Variants in GALNS observed in about 807,000 individuals in gnomAD.
The protein encoded by GALNS is galactosamine (N-acetyl)-6-sulfatase.
GALNS carries 65 observed loss-of-function variants against 65.9 expected under a neutral mutation model. The observed-to-expected ratio is 0.99, with a 90% CI of 0.81 to 1.21. The LOEUF (loss-of-function observed/expected upper bound fraction) is 1.21, where lower values mean the gene tolerates loss of function less well. Among genes scored for constraint, GALNS ranks in the 50% most tolerant of loss-of-function variants. The probability of loss-of-function intolerance (pLI) is 0.00; values close to 1 mark genes in which losing one functional copy is unlikely to be tolerated. For missense variants in GALNS, 776 were observed against 700.7 expected, an observed-to-expected ratio of 1.11 and a Z score of -1.21; for synonymous variants, 346 against 288.9, an observed-to-expected ratio of 1.20 and a Z score of -2.00.
chr16:88,827,958 G>A (rs1911104292), intron 9 of GALNS, among the ~76,000 whole-genome samples: 1 of 152,256 alleles, frequency 6.6e-6, no homozygotes, highest in Non-Finnish European at 1.5e-5. Context: ...CCTCGCTAGG[G>A]CAGACGGCGA....
chr16:88,842,752 C>T lies in GALNS; in HGVS notation c.198G>A (p.Gly66=). ...TPNLDRMAAE[G]LLFPNFYSAN... ...CAGAATAGAAGTTTGGGAAAAGCAG[C>T]CCTTCTGCAGCCATCCGGTCCAAAT... Residue 66 remains glycine (G), a synonymous_variant, in exon 2 of 14, where the codon GGG becomes GGA. Coordinates refer to ENST00000268695, the MANE Select transcript of GALNS (RefSeq NM_000512.5). The T allele has an allele frequency of 6.2e-7, 1 of 1,613,000 alleles. No individual in the cohort carries two copies. Among genetic ancestry groups the T allele is most frequent in the Non-Finnish European group, 8.5e-7 (1 of 1,179,760 alleles).
chr16:88,851,009 G>A (rs1439009407), intron 1 of GALNS, among the ~76,000 whole-genome samples: 3 of 152,230 alleles, frequency 2.0e-5, no homozygotes, highest in Non-Finnish European at 4.4e-5. Context: ...CGAGGGCAAC[G>A]TCCCACACGT....
intron 1 of GALNS, chr16:88,856,416 G>T (rs1325882564): frequency 1.4e-6 from 1 of 701,214 alleles, no homozygotes; most frequent in East Asian, 2.7e-5. Flanking sequence ...GGTCAGACGG[G>T]GGAGGCAGGG....
Position 88,831,979 on chromosome 16 carries a change from CCG to C in GALNS, c.1002+17_1002+18del. ...AGGCCTGGACCTGCTGCCCGGCAGA[CCG>C]GTGGACGCTGACTCACCTGGCCTGC... On this transcript the variant is annotated intron_variant, in intron 9 of 13. Coordinates refer to ENST00000268695, the MANE Select transcript of GALNS (RefSeq NM_000512.5). 1 of 1,608,264 alleles carries C rather than the reference CCG, an allele frequency of 6.2e-7. No individual in the cohort carries two copies. The highest frequency in any genetic ancestry group is 8.5e-7 in the Non-Finnish European group (1 of 1,176,106).
chr16:88,837,955 C>T (rs1039098916), intron 4 of GALNS, 190 bp from the exon 5 acceptor site: 2 of 613,186 alleles, frequency 3.3e-6, no homozygotes, highest in East Asian at 2.8e-5. Flanking sequence ...CTGGCACTGC[C>T]CGCCTACCCT....
chr16:88,849,292 C>T (rs78995185), intron 1 of GALNS, among the ~76,000 whole-genome samples: 17,213 of 151,276 alleles, frequency 0.11, 1,103 homozygotes, highest in African/African-American at 0.18. Context: ...TTATTATTAT[C>T]ATTATTTTTT....
intron 1 of GALNS, chr16:88,856,467 T>C (rs1391213594): frequency 2.9e-6 from 2 of 700,092 alleles, no homozygotes; most frequent in Admixed American, 4.0e-5. Context: ...GGGAGGACGC[T>C]GTCCCGGTCA....
Position 88,818,201 on chromosome 16 carries a change from G to C in GALNS, c.1365-77C>G. The stretch of plus-strand genomic sequence containing the variant: ...AGAGGGGCTGGCCTGGACAGGCTGA[G>C]GCTGCAGAGCTCTAACGGGCTGAGA... On this transcript the variant is annotated intron_variant, in intron 12 of 13. Coordinates refer to ENST00000268695, the MANE Select transcript of GALNS (RefSeq NM_000512.5). The C allele has an allele frequency of 1.2e-5, 14 of 1,169,496 alleles. 1 individual carries two copies. In the South Asian group the frequency reaches 1.8e-4, roughly 15 times the overall value. The allele number at this position is 1,169,496 out of a possible 1,614,324, so 72.4% of individuals were successfully genotyped here.
At chr16:88,846,657 C>T (rs1200284709) in intron 1 of GALNS, among the ~76,000 whole-genome samples, 1 of 152,048 alleles carries the variant, frequency 6.6e-6, no homozygotes, top group Non-Finnish European at 1.5e-5. Flanking sequence ...TTACTCCTGC[C>T]TCAGCCTCCC....
chr16:88,835,264 C>T lies in GALNS; in HGVS notation c.847G>A (p.Val283Ile), dbSNP rs772097990. ...QDLHVADNTF[V>I]FFTSDNGAAL... Reference sequence around the variant, plus strand: ...GCGCCGTTGTCCGACGTGAAGAAGACGAAGGTGTTGTCCGCGACGTGCAGG... The same window carrying T: ...GCGCCGTTGTCCGACGTGAAGAAGATGAAGGTGTTGTCCGCGACGTGCAGG... Residue 283 changes from valine to isoleucine, a missense_variant, in exon 8 of 14, where the codon GTC (valine) becomes ATC (isoleucine). Coordinates refer to ENST00000268695, the MANE Select transcript of GALNS (RefSeq NM_000512.5). The T allele has an allele frequency of 1.8e-5, 29 of 1,610,364 alleles. No homozygotes were observed. The highest frequency in any genetic ancestry group is 2.4e-5 in the Non-Finnish European group (28 of 1,178,364).
At position 88,815,817 on chromosome 16, in the gene GALNS, C is replaced by T. The variant is rs1909561768; in HGVS notation, c.1483-1292G>A. On this transcript the variant is annotated intron_variant, in intron 13 of 13. Transcript: ENST00000268695. Reference sequence around the variant, plus strand: ...TGGGTGAGGAAGCTGCTCCCAAACTCCAGGGGCAGCAGAGGCAGCCGCAGG... The same window carrying T: ...TGGGTGAGGAAGCTGCTCCCAAACTTCAGGGGCAGCAGAGGCAGCCGCAGG... 4.1e-6 allele frequency: 4 copies of T among 985,338 alleles called. 1 individual carries two copies. The Admixed American group carries it at 2.5e-4, about 61-fold the overall frequency. The allele number at this position is 985,338 out of a possible 1,614,324, so 61.0% of individuals were successfully genotyped here. A position where few individuals can be genotyped will look rare whatever the true frequency, so the allele number is the denominator to read the frequency against.
At chr16:88,849,296 A>T (rs1315148396) in intron 1 of GALNS, among the ~76,000 whole-genome samples, 2 of 150,746 alleles carry the variant, frequency 1.3e-5, no homozygotes, top group African/African-American at 4.9e-5. Flanking sequence ...TATTATCATT[A>T]TTTTTTGAGA....
chr16:88,829,888 C>T (rs1241124784), intron 9 of GALNS, among the ~76,000 whole-genome samples: 1 of 152,170 alleles, frequency 6.6e-6, no homozygotes, highest in Non-Finnish European at 1.5e-5. Context: ...AACAGGGAGG[C>T]CAGCCTGGGT....
intron 1 of GALNS, chr16:88,844,583 G>GT (rs1967147897): frequency 6.6e-6 from 1 of 152,270 alleles, no homozygotes; most frequent in Non-Finnish European, 1.5e-5. Context: ...CACCAGTGAA[G>GT]TGACTGTGCC....
rs1421226950 is a variant in GALNS, at chr16:88,836,093, C to T, written c.633+108G>A. On this transcript the variant is annotated intron_variant, in intron 6 of 13. Coordinates refer to ENST00000268695, the MANE Select transcript of GALNS (RefSeq NM_000512.5). Reference sequence around the variant, plus strand: ...GAGGTCCCTGAACCCATGCCTCCCACGGGGTGAGGTTGATGCATTCCTGTC... The same window carrying T: ...GAGGTCCCTGAACCCATGCCTCCCATGGGGTGAGGTTGATGCATTCCTGTC... 1.2e-5 allele frequency: 14 copies of T among 1,170,020 alleles called. No homozygotes were observed. The East Asian group carries it at 1.3e-4, about 11-fold the overall frequency. The allele number at this position is 1,170,020 out of a possible 1,614,324, so 72.5% of individuals were successfully genotyped here.
At chr16:88,852,756 C>T (rs1220672865) in intron 1 of GALNS, among the ~76,000 whole-genome samples, 1 of 152,184 alleles carries the variant, frequency 6.6e-6, no homozygotes, top group East Asian at 1.9e-4. Context: ...CTTCAGTAGC[C>T]GATTCGATCT....
At chr16:88,832,514 C>T (rs1368392058) in intron 8 of GALNS, among the ~76,000 whole-genome samples, 1 of 152,194 alleles carries the variant, frequency 6.6e-6, no homozygotes, top group Non-Finnish European at 1.5e-5. Context: ...CTGACTCAGT[C>T]AGTCACGGTG....
At chr16:88,856,377 C>T in intron 1 of GALNS, 1 of 701,626 alleles carries the variant, frequency 1.4e-6, no homozygotes, top group Non-Finnish European at 2.6e-6. Context: ...GCTGCGCGCC[C>T]ACCTTTCCCA....
chr16:88,850,438 G>A (rs1380064282), intron 1 of GALNS, among the ~76,000 whole-genome samples: 1 of 152,188 alleles, frequency 6.6e-6, no homozygotes, highest in African/African-American at 2.4e-5. Flanking sequence ...ATGAATGGAT[G>A]CAGCGGAAAA....
Sources: gnomAD v4.1 joint callset for allele counts (sites outside exome capture counted in the v4.1 genomes callset) on GRCh38, gnomAD v4.1.1 for gene constraint, MANE v1.5 for transcripts, NCBI Gene and HGNC (gene_info 2026-07-23, HGNC 2026-07-21) for gene names.